The following CRLF3 variants were observed in gnomAD, a reference collection of about 807,000 sequenced individuals.
CRLF3 encodes the protein cytokine receptor like factor 3.
CRLF3 carries 33 observed loss-of-function variants against 55.0 expected under a neutral mutation model. That is an observed-to-expected ratio of 0.60 (90% confidence interval 0.46 to 0.80). CRLF3 has a LOEUF of 0.80. CRLF3 is among the 30% of genes least tolerant of loss of function. The probability of loss-of-function intolerance (pLI) is 0.00; values close to 1 mark genes in which losing one functional copy is unlikely to be tolerated. For synonymous variants in CRLF3, 238 were observed against 196.8 expected, an observed-to-expected ratio of 1.21 and a Z score of -1.75; for missense variants, 494 against 538.4, an observed-to-expected ratio of 0.92 and a Z score of 0.82.
rs1300536430 is a variant in CRLF3, at chr17:30,783,628, GA to G, written c.*558del. 1 of 152,176 alleles carries G rather than the reference GA, an allele frequency of 6.6e-6. No homozygotes were observed. Among genetic ancestry groups the G allele is most frequent in the African/African-American group, 2.4e-5 (1 of 41,402 alleles). The allele number at this position is 152,176 out of a possible 1,614,324, so 9.4% of individuals were successfully genotyped here. On this transcript the variant is annotated 3_prime_UTR_variant, in exon 8 of 8. Transcript: ENST00000324238. ...GTGAGACTCCGTCTCAACAAAAAAA[GA>G]AAAAGTTATAATGTTTTGGGGACTT... is the stretch of plus-strand genomic sequence containing the variant.
At chr17:30,808,350 C>T (rs1469135710) in intron 1 of CRLF3, among the ~76,000 whole-genome samples, 1 of 130,826 alleles carries the variant, frequency 7.6e-6, no homozygotes, top group Non-Finnish European at 1.5e-5. Flanking sequence ...TGCAATGGAG[C>T]AATCTTGGCT....
chr17:30,785,170 G>A (rs1208902133), intron 7 of CRLF3: 1 of 149,264 alleles, frequency 6.7e-6, no homozygotes, highest in Non-Finnish European at 1.5e-5. Context: ...CCGCCTCCCG[G>A]GTTCAAGCGA....
At chr17:30,811,454 G>GAACAAACA (rs1180936966) in intron 1 of CRLF3, among the ~76,000 whole-genome samples, 3 of 146,120 alleles carry the variant, frequency 2.1e-5, no homozygotes, top group African/African-American at 7.6e-5. Flanking sequence ...ACTCTGTCTC[G>GAACAAACA]AACAAACAAA....
At position 30,784,018 on chromosome 17, in the gene CRLF3, C is replaced by T; in HGVS notation, c.*169G>A. On this transcript the variant is annotated 3_prime_UTR_variant, in exon 8 of 8. Transcript: ENST00000324238. ...TGACTGAATTGTATGATTTTGTCCA[C>T]AACATTGAAGTCTCTTTTTGCTAAA... The T allele has an allele frequency of 3.4e-6, 2 of 585,684 alleles. No individual in the cohort carries two copies. The highest frequency in any genetic ancestry group is 6.0e-6 in the Non-Finnish European group (2 of 335,692). The allele number at this position is 585,684 out of a possible 1,614,324, so 36.3% of individuals were successfully genotyped here. A position where few individuals can be genotyped will look rare whatever the true frequency, so the allele number is the denominator to read the frequency against.
intron 1 of CRLF3, among the ~76,000 whole-genome samples, chr17:30,822,144 G>A (rs1005499679): frequency 1.3e-5 from 2 of 151,944 alleles, no homozygotes; most frequent in South Asian, 4.2e-4. Context: ...ACGACAGGTG[G>A]CATCCCTTCC....
intron 1 of CRLF3, among the ~76,000 whole-genome samples, chr17:30,823,184 A>C (rs928042389): frequency 6.6e-6 from 1 of 151,920 alleles, no homozygotes; most frequent in Non-Finnish European, 1.5e-5. Context: ...CAACCTGGTG[A>C]AACCTCCTCT....
At chr17:30,798,326 C>T (rs943096834) in intron 2 of CRLF3, among the ~76,000 whole-genome samples, 3 of 151,620 alleles carry the variant, frequency 2.0e-5, no homozygotes, top group Admixed American at 6.6e-5. Flanking sequence ...TGCAGTGAGC[C>T]GAGATCACGC....
At position 30,792,182 on chromosome 17, in the gene CRLF3, CTACTTACCAA is replaced by C. The variant is rs554141012; in HGVS notation, c.959+248_959+257del. On this transcript the variant is annotated intron_variant, in intron 6 of 7. Transcript: ENST00000324238. ...CTTTTGAGAGATACTCTACTTACCT[CTACTTACCAA>C]GAGGAAAAGAGATATAAACATATTA... Among the ~76,000 whole-genome samples, 573 of 152,206 alleles carry C rather than the reference CTACTTACCAA, an allele frequency of 3.8e-3. 5 individuals are homozygous for C. The highest frequency in any genetic ancestry group is 0.013 in the African/African-American group (553 of 41,518).
chr17:30,813,828 G>C (rs907835175), intron 1 of CRLF3, among the ~76,000 whole-genome samples: 5 of 148,330 alleles, frequency 3.4e-5, no homozygotes, highest in Admixed American at 6.9e-5. Context: ...AGGTAAAGCA[G>C]ATACTACCCT....
At chr17:30,802,314 GT>G (rs1215295001) in intron 2 of CRLF3, among the ~76,000 whole-genome samples, 3 of 152,146 alleles carry the variant, frequency 2.0e-5, no homozygotes, top group African/African-American at 7.2e-5. Context: ...TAGGGACGGG[GT>G]TTCACCATGT....
At chr17:30,795,877 G>C (rs966232310) in intron 4 of CRLF3, among the ~76,000 whole-genome samples, 6 of 151,978 alleles carry the variant, frequency 3.9e-5, no homozygotes, top group Admixed American at 1.3e-4. Context: ...AGCGGCAGGC[G>C]GGGGAGGGCA....
intron 7 of CRLF3, among the ~76,000 whole-genome samples, chr17:30,785,631 A>T (rs1054999611): frequency 6.7e-6 from 1 of 148,264 alleles, no homozygotes; most frequent in Non-Finnish European, 1.5e-5. Context: ...AAATAAAAAA[A>T]ATTAGCCAGT....
In CRLF3 at chr17:30,796,256, G is replaced by T. The variant is rs1427128978; in HGVS notation, c.507C>A (p.Asp169Glu). Residue 169 changes from aspartate (D) to glutamate (E), a missense_variant, in exon 4 of 8, where the codon GAC becomes GAA. Transcript: ENST00000324238. Reference sequence around the variant, plus strand: ...CTACTGTTCCATGCTTAAAAATGTGGTCTTTCACTATGTTAAGAATTGAGT... The same window carrying T: ...CTACTGTTCCATGCTTAAAAATGTGTTCTTTCACTATGTTAAGAATTGAGT... ...LDDSILNIVK[D>E]HIFKHGTVAS... is the part of the protein sequence containing the mutation. The T allele has an allele frequency of 1.2e-6, 2 of 1,613,916 alleles. No individual in the cohort carries two copies. Among genetic ancestry groups the T allele is most frequent in the Admixed American group, 3.3e-5 (2 of 60,004 alleles).
intron 5 of CRLF3, 119 bp downstream of exon 5, chr17:30,793,331 T>G: frequency 1.4e-6 from 1 of 724,410 alleles, no homozygotes; most frequent in Non-Finnish European, 2.3e-6. Context: ...TGCATGTTGT[T>G]CTTATCAATT....
chr17:30,795,507 A>G (rs1197594023), intron 4 of CRLF3, among the ~76,000 whole-genome samples: 1 of 144,492 alleles, frequency 6.9e-6, no homozygotes, highest in Non-Finnish European at 1.5e-5. Context: ...AAAAAAAAAA[A>G]AAAAGAAAAT....
chr17:30,810,137 T>C (rs73271842), intron 1 of CRLF3, among the ~76,000 whole-genome samples: 19,345 of 152,244 alleles, frequency 0.13, 1,289 homozygotes, highest in South Asian at 0.25. Context: ...TGTAACAAAA[T>C]AGATTTAAGA....
chr17:30,785,996 C>G lies in CRLF3; in HGVS notation c.995G>C (p.Ser332Thr), dbSNP rs1330507920. The change falls in exon 7 of 8, where the codon AGC becomes ACC. Residue 332 changes from serine to threonine, a missense_variant. Physicochemically the swap from Ser to Thr is moderately conservative, Grantham distance 58. Transcript: ENST00000324238. The stretch of plus-strand genomic sequence containing the variant: ...CTGTTTTTCTGCACACACTCCTATG[C>G]TATCTCTTCTGTCTGGCTGTCCCAC... Reference protein sequence around the residue: ...ETVGQPDRRDSIGVCAEKQDG... With the variant: ...ETVGQPDRRDTIGVCAEKQDG... 2 of 1,612,408 alleles carry G rather than the reference C, an allele frequency of 1.2e-6. No individual in the cohort carries two copies. The highest frequency in any genetic ancestry group is 1.7e-6 in the Non-Finnish European group (2 of 1,178,676).
At chr17:30,805,810 C>T (rs538762253) in intron 1 of CRLF3, among the ~76,000 whole-genome samples, 3 of 151,598 alleles carry the variant, frequency 2.0e-5, no homozygotes, top group South Asian at 4.2e-4. Flanking sequence ...ATCACTTGAG[C>T]CCAAGAGTTT....
intron 6 of CRLF3, among the ~76,000 whole-genome samples, chr17:30,791,819 C>T (rs988744717): frequency 2.6e-5 from 4 of 151,370 alleles, no homozygotes; most frequent in African/African-American, 9.7e-5. Context: ...CCTGGCCAGG[C>T]CTCTAAATTT....
Sources: allele counts gnomAD v4.1 joint callset (sites outside exome capture counted in the v4.1 genomes callset), GRCh38; gene constraint gnomAD v4.1.1; transcripts MANE v1.5; gene names NCBI Gene and HGNC (gene_info 2026-07-23, HGNC 2026-07-21).